Variants in ABTB3 observed in about 807,000 individuals in gnomAD.
The protein encoded by ABTB3 is ankyrin repeat and BTB domain containing 3.
the ABTB3 span, among the ~76,000 whole-genome samples, chr12:107,508,451 T>TTTGTTTTTTG: frequency 1.6e-5 from 2 of 121,846 alleles, no homozygotes; most frequent in Non-Finnish European, 3.5e-5. Flanking sequence ...TTTTTTTTTT[T>TTTGTTTTTTG]TTTTTTTTTT....
the ABTB3 span, chr12:107,544,171 G>T: frequency 6.2e-7 from 1 of 1,603,956 alleles, no homozygotes; most frequent in South Asian, 1.1e-5. Flanking sequence ...CTTGTGGTGG[G>T]TGGGTACTGC....
chr12:107,625,967 C>G, the ABTB3 span, among the ~76,000 whole-genome samples: 1 of 152,182 alleles, frequency 6.6e-6, no homozygotes, highest in Admixed American at 6.5e-5. Context: ...CAGCTATTGT[C>G]TAAAAGTTTC....
chr12:107,520,368 C>T, the ABTB3 span: 3 of 1,470,456 alleles, frequency 2.0e-6, no homozygotes, highest in Admixed American at 6.5e-5. Flanking sequence ...CATTGGCTTT[C>T]TTTGCAGTAC....
chr12:107,596,856 G>A, the ABTB3 span, among the ~76,000 whole-genome samples: 6 of 152,142 alleles, frequency 3.9e-5, no homozygotes, highest in South Asian at 2.1e-4. Context: ...AGCTTTCCCC[G>A]TGGCTCTTTG....
At chr12:107,560,376 A>G in the ABTB3 span, among the ~76,000 whole-genome samples, 18 of 152,210 alleles carry the variant, frequency 1.2e-4, no homozygotes, top group Admixed American at 2.6e-4. Context: ...GAAACTACAA[A>G]AGGAGAACCC....
chr12:107,649,321 G>A, the ABTB3 span: 2 of 1,550,436 alleles, frequency 1.3e-6, no homozygotes, highest in Non-Finnish European at 1.8e-6. Context: ...CCTTGGGTGA[G>A]TGGCACTTCT....
At chr12:107,335,893 G>A in the ABTB3 span, among the ~76,000 whole-genome samples, 4 of 152,158 alleles carry the variant, frequency 2.6e-5, no homozygotes, top group African/African-American at 9.7e-5. Context: ...ACCAATATTG[G>A]TAATAAACTG....
At chr12:107,414,101 G>C in the ABTB3 span, among the ~76,000 whole-genome samples, 3 of 152,144 alleles carry the variant, frequency 2.0e-5, no homozygotes, top group Non-Finnish European at 4.4e-5. Context: ...GAAATTTAGA[G>C]ACTCGTCTAA....
the ABTB3 span, chr12:107,635,204 G>A: frequency 1.4e-5 from 17 of 1,244,384 alleles, no homozygotes; most frequent in Non-Finnish European, 2.0e-5. Context: ...TTATCACCTG[G>A]AGGGACGCAT....
At chr12:107,600,916 C>A in the ABTB3 span, among the ~76,000 whole-genome samples, 1 of 152,168 alleles carries the variant, frequency 6.6e-6, no homozygotes, top group Non-Finnish European at 1.5e-5. Context: ...AAGGACTTGG[C>A]AGCAAGGAAA....
the ABTB3 span, among the ~76,000 whole-genome samples, chr12:107,502,448 C>T: frequency 1.3e-5 from 2 of 152,032 alleles, no homozygotes; most frequent in East Asian, 1.9e-4. Context: ...GCACCACCAG[C>T]GTGAAAGATG....
the ABTB3 span, chr12:107,657,375 G>A: frequency 2.6e-6 from 2 of 759,484 alleles, no homozygotes; most frequent in Admixed American, 4.2e-5. Flanking sequence ...CCATGGGTGT[G>A]TGCTGGGGAA....
the ABTB3 span, among the ~76,000 whole-genome samples, chr12:107,474,588 T>C: frequency 6.6e-6 from 1 of 151,890 alleles, no homozygotes; most frequent in African/African-American, 2.4e-5. Context: ...AGGGGAGTAG[T>C]TGGCCACAAA....
chr12:107,402,365 C>T, the ABTB3 span, among the ~76,000 whole-genome samples: 1 of 152,178 alleles, frequency 6.6e-6, no homozygotes, highest in Admixed American at 6.5e-5. Context: ...CCAAATCTGG[C>T]TTGACCGCCT....
the ABTB3 span, among the ~76,000 whole-genome samples, chr12:107,653,505 A>G: frequency 6.8e-6 from 1 of 147,670 alleles, no homozygotes; most frequent in African/African-American, 2.5e-5. Context: ...CGACAGAGCA[A>G]GACTCTGTCT....
At chr12:107,593,554 T>A in the ABTB3 span, among the ~76,000 whole-genome samples, 1 of 152,232 alleles carries the variant, frequency 6.6e-6, no homozygotes, top group African/African-American at 2.4e-5. Context: ...AGCTAGCATA[T>A]ACTTAGCACT....
chr12:107,564,955 T>C, the ABTB3 span, among the ~76,000 whole-genome samples: 2 of 152,238 alleles, frequency 1.3e-5, no homozygotes, highest in African/African-American at 4.8e-5. Context: ...AAAAATGATC[T>C]GTATGCTGGA....
the ABTB3 span, among the ~76,000 whole-genome samples, chr12:107,373,935 G>A: frequency 4.1e-4 from 63 of 152,312 alleles, no homozygotes; most frequent in Admixed American, 1.1e-3. Flanking sequence ...TGGAGTCTGC[G>A]CAGACAGCTC....
At chr12:107,425,592 C>G in the ABTB3 span, among the ~76,000 whole-genome samples, 1 of 152,224 alleles carries the variant, frequency 6.6e-6, no homozygotes, top group African/African-American at 2.4e-5. Flanking sequence ...TAAACAAACT[C>G]AAAGAATTGC....
Sources: gnomAD v4.1 joint callset for allele counts (sites outside exome capture counted in the v4.1 genomes callset) on GRCh38, gnomAD v4.1.1 for gene constraint, MANE v1.5 for transcripts, NCBI Gene and HGNC (gene_info 2026-07-23, HGNC 2026-07-21) for gene names.